POU2F1: variants seen among roughly 807,000 people sequenced by gnomAD.
POU2F1 encodes POU domain, class 2, transcription factor 1.
A neutral mutation model predicts 84.9 loss-of-function variants in POU2F1; 16 were observed. The ratio of observed to expected loss-of-function variants is 0.19; its 90% confidence interval spans 0.13 to 0.29. The LOEUF (loss-of-function observed/expected upper bound fraction) is 0.29, where lower values mean the gene tolerates loss of function less well. Among genes scored for constraint, POU2F1 ranks in the 10% least tolerant of loss-of-function variants. The pLI is 1.00. For missense variants in POU2F1, 738 were observed against 942.6 expected, an observed-to-expected ratio of 0.78 and a Z score of 2.84; for synonymous variants, 368 against 368.3, an observed-to-expected ratio of 1.00 and a Z score of 0.01.
chr1:167,379,242 G>C (rs1212571988), intron 7 of POU2F1: 2 of 152,146 alleles, frequency 1.3e-5, no homozygotes, highest in Admixed American at 6.5e-5. Flanking sequence ...CTCACTTAGA[G>C]GAGTCTAATG....
chr1:167,317,532 G>C (rs1363665514), intron 1 of POU2F1, among the ~76,000 whole-genome samples: 1 of 152,222 alleles, frequency 6.6e-6, no homozygotes, highest in Non-Finnish European at 1.5e-5. Flanking sequence ...CAGCAAGCCA[G>C]TAATAAGCCT....
intron 1 of POU2F1, among the ~76,000 whole-genome samples, chr1:167,233,545 C>T (rs1649225288): frequency 6.6e-6 from 1 of 152,150 alleles, no homozygotes; most frequent in Non-Finnish European, 1.5e-5. Flanking sequence ...ACAGGCTATA[C>T]CATATAGCTT....
At chr1:167,366,752 A>G (rs1659705318) in intron 3 of POU2F1, among the ~76,000 whole-genome samples, 1 of 152,202 alleles carries the variant, frequency 6.6e-6, no homozygotes, top group South Asian at 2.1e-4. Context: ...TATTTTAAAT[A>G]TATCCTAGAA....
intron 13 of POU2F1, among the ~76,000 whole-genome samples, chr1:167,405,804 T>C (rs1649533637): frequency 1.3e-5 from 2 of 152,228 alleles, no homozygotes. Context: ...ACATCCTTTT[T>C]ATGTACACAT....
At chr1:167,390,712 C>A (rs1364873125) in intron 9 of POU2F1, among the ~76,000 whole-genome samples, 1 of 152,184 alleles carries the variant, frequency 6.6e-6, no homozygotes, top group African/African-American at 2.4e-5. Flanking sequence ...ATTGCTTGAG[C>A]CCGGGAGGTC....
intron 13 of POU2F1, among the ~76,000 whole-genome samples, chr1:167,408,402 A>G (rs1483281375): frequency 1.3e-5 from 2 of 152,200 alleles, no homozygotes; most frequent in Non-Finnish European, 2.9e-5. Flanking sequence ...AAAAACTTCA[A>G]TGTGAATGTT....
chr1:167,422,170 T>C lies in POU2F1; in HGVS notation c.*6360T>C, dbSNP rs1361798906. 6.6e-6 allele frequency: 1 copy of C among 152,236 alleles called. No homozygotes were observed. The highest frequency in any genetic ancestry group is 2.4e-5 in the African/African-American group (1 of 41,430). 9.4% of individuals were successfully genotyped at this position (152,236 alleles called of 1,614,324 possible). ...ATGCCCCCCAGACCCTGCCAACCTCTCCTAATGATTCATTACCTCTGTACA... is the reference window on the plus strand; with the variant it reads ...ATGCCCCCCAGACCCTGCCAACCTCCCCTAATGATTCATTACCTCTGTACA... On this transcript the variant is annotated 3_prime_UTR_variant, in exon 16 of 16. Transcript: ENST00000367866.
intron 15 of POU2F1, chr1:167,414,525 G>A (rs759478767): frequency 1.0e-6 from 1 of 985,384 alleles, no homozygotes; most frequent in Non-Finnish European, 1.2e-6. Flanking sequence ...GTAGGAGTGA[G>A]GTTATATGGC....
chr1:167,256,958 T>C (rs867347393), intron 1 of POU2F1, among the ~76,000 whole-genome samples: 10 of 152,222 alleles, frequency 6.6e-5, no homozygotes, highest in Admixed American at 2.6e-4. Context: ...CTGTACCTTT[T>C]CACTGTCTGG....
intron 8 of POU2F1, among the ~76,000 whole-genome samples, chr1:167,385,872 G>A (rs1421452851): frequency 2.0e-5 from 3 of 152,172 alleles, no homozygotes; most frequent in Non-Finnish European, 4.4e-5. Flanking sequence ...AAACATTTGT[G>A]TTCAGAATGT....
chr1:167,249,419 C>CT (rs906163407), intron 1 of POU2F1, among the ~76,000 whole-genome samples: 6 of 152,138 alleles, frequency 3.9e-5, no homozygotes, highest in Admixed American at 1.3e-4. Flanking sequence ...GTTATGCCTT[C>CT]TTTTTGTTTT....
chr1:167,256,769 G>A (rs932042133), intron 1 of POU2F1, among the ~76,000 whole-genome samples: 3 of 152,090 alleles, frequency 2.0e-5, no homozygotes, highest in Non-Finnish European at 4.4e-5. Context: ...GAAAACTTTG[G>A]GATGTAGCAG....
Position 167,417,247 on chromosome 1 carries a change from A to G in POU2F1, c.*1437A>G, listed in dbSNP as rs949075683. ...GGAGGCACTTATTAGCCGGGCTGGG[A>G]TCTGTAGAACCTTTGAAGAAGGACT... On this transcript the variant is annotated 3_prime_UTR_variant, in exon 16 of 16. Coordinates refer to ENST00000367866, the MANE Select transcript of POU2F1 (RefSeq NM_002697.4). The G allele has an allele frequency of 6.6e-6, 1 of 152,158 alleles. No individual in the cohort carries two copies. The highest frequency in any genetic ancestry group is 1.5e-5 in the Non-Finnish European group (1 of 68,034). The allele number at this position is 152,158 out of a possible 1,614,324, so 9.4% of individuals were successfully genotyped here. A position where few individuals can be genotyped will look rare whatever the true frequency, so the allele number is the denominator to read the frequency against.
chr1:167,232,031 T>A (rs999057053), intron 1 of POU2F1, among the ~76,000 whole-genome samples: 2 of 152,156 alleles, frequency 1.3e-5, no homozygotes, highest in Admixed American at 6.5e-5. Context: ...TATCAAAATC[T>A]GCACATGCCT....
At chr1:167,402,362 A>G (rs904013218) in intron 13 of POU2F1, among the ~76,000 whole-genome samples, 5 of 152,178 alleles carry the variant, frequency 3.3e-5, no homozygotes, top group South Asian at 4.1e-4. Context: ...TTTTAAGTTT[A>G]CAATGCCTCC....
At chr1:167,403,911 T>C (rs1359882738) in intron 13 of POU2F1, among the ~76,000 whole-genome samples, 2 of 152,210 alleles carry the variant, frequency 1.3e-5, no homozygotes, top group Non-Finnish European at 2.9e-5. Context: ...TTCACAGTAT[T>C]TTTTGGAGTT....
At chr1:167,275,670 A>T (rs2102482310) in intron 1 of POU2F1, among the ~76,000 whole-genome samples, 1 of 152,268 alleles carries the variant, frequency 6.6e-6, no homozygotes, top group Non-Finnish European at 1.5e-5. Flanking sequence ...ACATCCCAAA[A>T]TTCTATGCTT....
intron 12 of POU2F1, 111 bp from the exon 13 acceptor site, chr1:167,401,340 C>T: frequency 1.6e-6 from 1 of 631,264 alleles, no homozygotes; most frequent in Non-Finnish European, 2.7e-6. Context: ...AGCTTTCCAA[C>T]ATAGGATGTC....
At chr1:167,310,237 A>AGTTAAATATTCTTTTT (rs1655365654) in intron 1 of POU2F1, among the ~76,000 whole-genome samples, 1 of 152,076 alleles carries the variant, frequency 6.6e-6, no homozygotes, top group African/African-American at 2.4e-5. Context: ...AAAAACCAGG[A>AGTTAAATATTCTTTTT]AAGGGGGGAA....
Sources: allele counts gnomAD v4.1 joint callset (sites outside exome capture counted in the v4.1 genomes callset), GRCh38; gene constraint gnomAD v4.1.1; transcripts MANE v1.5; gene names NCBI Gene and HGNC (gene_info 2026-07-23, HGNC 2026-07-21).